The following SSH1 variants were observed in gnomAD, a reference collection of about 807,000 sequenced individuals.
The protein encoded by SSH1 is slingshot protein phosphatase 1.
A neutral mutation model predicts 79.7 loss-of-function variants in SSH1; 43 were observed. The observed-to-expected ratio is 0.54, with a 90% confidence interval of 0.42 to 0.70. SSH1 has a LOEUF of 0.70. SSH1 is among the 30% of genes least tolerant of loss of function. The pLI is 0.00. For synonymous variants in SSH1, 599 were observed against 538.3 expected, an observed-to-expected ratio of 1.11 and a Z score of -1.56; for missense variants, 1,206 against 1,358.8, an observed-to-expected ratio of 0.89 and a Z score of 1.77.
At chr12:108,833,643 T>C (rs955988852) in intron 2 of SSH1, 2 of 152,314 alleles carry the variant, frequency 1.3e-5, no homozygotes, top group South Asian at 4.1e-4. Context: ...CACCCGGCTC[T>C]GTGCTGCATT....
chr12:108,830,883 G>T (rs1328476711), intron 2 of SSH1, among the ~76,000 whole-genome samples: 2 of 152,034 alleles, frequency 1.3e-5, no homozygotes, highest in African/African-American at 4.8e-5. Context: ...GAGCTCAAGC[G>T]ATTGTTCCGC....
At chr12:108,813,082 T>C (rs1306511285) in intron 5 of SSH1, among the ~76,000 whole-genome samples, 1 of 152,062 alleles carries the variant, frequency 6.6e-6, no homozygotes, top group Non-Finnish European at 1.5e-5. Flanking sequence ...CCCAGGCTGG[T>C]CTTAAACTCC....
chr12:108,792,063 G>A, intron 14 of SSH1: 1 of 1,444,874 alleles, frequency 6.9e-7, no homozygotes, highest in African/African-American at 1.4e-5. Context: ...TTCTCAATTT[G>A]CTATATAAGG....
intron 7 of SSH1, among the ~76,000 whole-genome samples, chr12:108,808,234 G>A (rs974747925): frequency 2.6e-4 from 40 of 152,184 alleles, no homozygotes; most frequent in African/African-American, 6.0e-4. Context: ...CACCATGCCC[G>A]GCTGAGAAGT....
Position 108,809,727 on chromosome 12 carries a change from G to A in SSH1, c.502C>T (p.His168Tyr), listed in dbSNP as rs1223198563. 1 of 1,613,874 alleles carries A rather than the reference G, an allele frequency of 6.2e-7. No individual in the cohort carries two copies. The highest frequency in any genetic ancestry group is 1.3e-5 in the African/African-American group (1 of 74,894). ...GFSVSTAGRM[H>Y]IFKPVSVQAM... ...TGGACAGACACAGGCTTAAATATGT[G>A]CATCCTTCCTGCTGTGCTCACGCTG... The change falls in exon 7 of 15, where the codon CAC becomes TAC. Residue 168 changes from histidine (H) to tyrosine (Y), a missense_variant. Physicochemically the swap from His to Tyr is moderately conservative, Grantham distance 83. This residue lies in a region of SSH1 where 115 missense variants were observed against 173.9 expected (regional missense o/e 0.66). Coordinates refer to ENST00000326495, the MANE Select transcript of SSH1 (RefSeq NM_018984.4).
In SSH1 at chr12:108,782,070, T is replaced by C. The variant is rs1447011963; in HGVS notation, c.*5918A>G. The C allele has an allele frequency of 6.8e-6, 1 of 146,862 alleles. No individual in the cohort carries two copies. The highest frequency in any genetic ancestry group is 1.5e-5 in the Non-Finnish European group (1 of 67,410). The allele number at this position is 146,862 out of a possible 1,614,324, so 9.1% of individuals were successfully genotyped here. A position where few individuals can be genotyped will look rare whatever the true frequency, so the allele number is the denominator to read the frequency against. ...ATCACTTTAGCCTAGGAAGTCGAGG[T>C]TGCAGTGAGCTATGATGGCACCACT... On this transcript the variant is annotated 3_prime_UTR_variant, in exon 15 of 15. Coordinates refer to ENST00000326495, the MANE Select transcript of SSH1 (RefSeq NM_018984.4).
In SSH1 at chr12:108,817,020, C is replaced by G. The variant is rs752560208; in HGVS notation, c.401+18G>C. 6.2e-7 allele frequency: 1 copy of G among 1,613,524 alleles called. No individual in the cohort carries two copies. Among genetic ancestry groups the G allele is most frequent in the Non-Finnish European group, 8.5e-7 (1 of 1,179,674 alleles). ...TTGCCTCCCTCACAGAAGGGAACAC[C>G]TAGCCCATCAGACTCACCTTTCCTT... is the stretch of plus-strand genomic sequence containing the variant. On this transcript the variant is annotated intron_variant, in intron 5 of 14. Transcript: ENST00000326495.
At position 108,788,746 on chromosome 12, in the gene SSH1, C is replaced by CA; in HGVS notation, c.2391dup (p.Glu798Ter). The CA allele has an allele frequency of 6.2e-7, 1 of 1,614,258 alleles. No homozygotes were observed. The highest frequency in any genetic ancestry group is 8.5e-7 in the Non-Finnish European group (1 of 1,180,044). On this transcript the variant is annotated frameshift_variant, in exon 15 of 15. Coordinates refer to ENST00000326495, the MANE Select transcript of SSH1 (RefSeq NM_018984.4). LOFTEE classifies it low-confidence loss of function (END_TRUNC). ...AGGTAGCTGTTGGTTGTCGGCTTCT[C>CA]AGATTCATTACTGAACAGAAGCCTC...
At position 108,792,301 on chromosome 12, in the gene SSH1, A is replaced by T; in HGVS notation, c.1878T>A (p.Cys626Ter). ...CTCTGCCTACCTCCATGCCGTTGGG[A>T]CAGCTCCTCTTGCTGTTGTTGTTTA... is the stretch of plus-strand genomic sequence containing the variant. Reference protein sequence around the residue: ...ENLNNNSKRSCPNGMEDDAIF... With the variant: ...ENLNNNSKRS Residue 626 changes from cysteine (C) to a stop codon, truncating the protein, a stop_gained, in exon 14 of 15, where the codon TGT (cysteine) becomes TGA (stop). Transcript: ENST00000326495. LOFTEE classifies it low-confidence loss of function (END_TRUNC). The T allele has an allele frequency of 6.2e-7, 1 of 1,614,036 alleles. No homozygotes were observed. The highest frequency in any genetic ancestry group is 8.5e-7 in the Non-Finnish European group (1 of 1,179,992).
At chr12:108,814,303 T>C (rs1442205022) in intron 5 of SSH1, among the ~76,000 whole-genome samples, 1 of 151,678 alleles carries the variant, frequency 6.6e-6, no homozygotes, top group Non-Finnish European at 1.5e-5. Flanking sequence ...TGGAGAAGCG[T>C]TGGACTCTTA....
intron 7 of SSH1, among the ~76,000 whole-genome samples, chr12:108,808,410 G>A (rs2037397169): frequency 6.6e-6 from 1 of 152,192 alleles, no homozygotes; most frequent in South Asian, 2.1e-4. Flanking sequence ...TATTTCCAAA[G>A]AGCAGCAGAA....
intron 2 of SSH1, among the ~76,000 whole-genome samples, chr12:108,827,769 T>C (rs2038364120): frequency 6.6e-6 from 1 of 152,208 alleles, no homozygotes; most frequent in Admixed American, 6.5e-5. Flanking sequence ...AGGATGACTC[T>C]TTCTTTCAAA....
Position 108,788,778 on chromosome 12 carries a change from T to C in SSH1, c.2360A>G (p.Lys787Arg), listed in dbSNP as rs369867367. 9.9e-6 allele frequency: 16 copies of C among 1,614,164 alleles called. No homozygotes were observed. In the Middle Eastern group the frequency reaches 1.3e-3, roughly 133 times the overall value. ...ATTACTGAACAGAAGCCTCAGGTCCTTGGCTGGCTTCATATCTTTCTTGGG... is the reference window on the plus strand; with the variant it reads ...ATTACTGAACAGAAGCCTCAGGTCCCTGGCTGGCTTCATATCTTTCTTGGG... ...SSPKKDMKPA[K>R]DLRLLFSNES... The change falls in exon 15 of 15, where the codon AAG becomes AGG. Residue 787 changes from lysine to arginine, a missense_variant. By Grantham distance (26) the Lys-to-Arg change is conservative. This residue lies in a region of SSH1 where 709 missense variants were observed against 730.6 expected (regional missense o/e 0.97). Transcript: ENST00000326495.
In SSH1 at chr12:108,788,632, G is replaced by A. The variant is rs779269690; in HGVS notation, c.2506C>T (p.Pro836Ser). The change falls in exon 15 of 15, where the codon CCT (proline) becomes TCT (serine). Residue 836 changes from proline (P) to serine (S), a missense_variant. By Grantham distance (74) the Pro-to-Ser change is moderately conservative. This residue lies in a region of SSH1 where 709 missense variants were observed against 730.6 expected (regional missense o/e 0.97). Transcript: ENST00000326495. ...CTGGAGGGAGGTGCTGGGTCTGCAG[G>A]CACGCTCTTCAGCCGCTCTAGCTCT... ...TKELERLKSV[P>S]ADPAPPSRDG... is the part of the protein sequence containing the mutation. 1 of 1,612,790 alleles carries A rather than the reference G, an allele frequency of 6.2e-7. No homozygotes were observed. The highest frequency in any genetic ancestry group is 8.5e-7 in the Non-Finnish European group (1 of 1,179,026).
At chr12:108,834,514 G>T (rs975460315) in intron 2 of SSH1, 5 of 152,234 alleles carry the variant, frequency 3.3e-5, no homozygotes, top group Non-Finnish European at 7.3e-5. Flanking sequence ...ACCAACTACA[G>T]ACAGAAAATA....
At position 108,807,692 on chromosome 12, in the gene SSH1, C is replaced by G; in HGVS notation, c.672G>C (p.Trp224Cys). Reference sequence around the variant, plus strand: ...TAGACTCCAGGTCCTGCATGGCGTTCCACTCGTTGATGCAGCTCTGCTCGG... The same window carrying G: ...TAGACTCCAGGTCCTGCATGGCGTTGCACTCGTTGATGCAGCTCTGCTCGG... ...ISSEQSCINE[W>C]NAMQDLESTR... Residue 224 changes from tryptophan to cysteine, a missense_variant, in exon 8 of 15, where the codon TGG (tryptophan) becomes TGC (cysteine). Coordinates refer to ENST00000326495, the MANE Select transcript of SSH1 (RefSeq NM_018984.4). The surrounding 1 kb of genome is among the most constrained non-coding windows in gnomAD (Gnocchi z 5.2). 1 of 1,613,316 alleles carries G rather than the reference C, an allele frequency of 6.2e-7. No homozygotes were observed. Among genetic ancestry groups the G allele is most frequent in the Non-Finnish European group, 8.5e-7 (1 of 1,179,556 alleles).
At position 108,824,441 on chromosome 12, in the gene SSH1, C is replaced by T. The variant is rs1217762396; in HGVS notation, c.111-1080G>A. 3.5e-5 allele frequency among the ~76,000 whole-genome samples: 5 copies of T among 143,882 alleles called. No homozygotes were observed. In the East Asian group the frequency reaches 1.0e-3, roughly 29 times the overall value. 94.4% of individuals were successfully genotyped at this position (143,882 alleles called of 152,430 possible). A position where few individuals can be genotyped will look rare whatever the true frequency, so the allele number is the denominator to read the frequency against. ...CTGCACTCCAGCCTGGGCGACAGAG[C>T]AAGACTGTGTCTCAAAAAAAAAAAA... On this transcript the variant is annotated intron_variant, in intron 2 of 14. Coordinates refer to ENST00000326495, the MANE Select transcript of SSH1 (RefSeq NM_018984.4).
Position 108,807,716 on chromosome 12 carries a change from G to T in SSH1, c.648C>A (p.Ser216=), listed in dbSNP as rs142020150. The change falls in exon 8 of 15, where the codon TCC becomes TCA. Residue 216 remains serine, a synonymous_variant. Coordinates refer to ENST00000326495, the MANE Select transcript of SSH1 (RefSeq NM_018984.4). This position sits in a 1 kb window ranked among gnomAD's most constrained non-coding sequence, Gnocchi z 5.2. ...WATYYESCIS[S]EQSCINEWNA... is the part of the protein sequence containing the mutation. Reference sequence around the variant, plus strand: ...TCCACTCGTTGATGCAGCTCTGCTCGGAGCTGATGCAGCTCTCATAGTAGG... The same window carrying T: ...TCCACTCGTTGATGCAGCTCTGCTCTGAGCTGATGCAGCTCTCATAGTAGG... The T allele has an allele frequency of 2.5e-6, 4 of 1,613,276 alleles. No homozygotes were observed. The highest frequency in any genetic ancestry group is 3.4e-6 in the Non-Finnish European group (4 of 1,179,488).
intron 5 of SSH1, among the ~76,000 whole-genome samples, chr12:108,814,802 C>T (rs1302567187): frequency 6.6e-6 from 1 of 152,174 alleles, no homozygotes; most frequent in African/African-American, 2.4e-5. Context: ...CCTGGGAGAA[C>T]TGAAGTCGGG....
Sources: allele counts gnomAD v4.1 joint callset (sites outside exome capture counted in the v4.1 genomes callset), GRCh38; gene constraint gnomAD v4.1.1; regional missense constraint gnomAD v4.1.1; non-coding constraint Gnocchi (gnomAD v3.1); transcripts MANE v1.5; gene names NCBI Gene and HGNC (gene_info 2026-07-23, HGNC 2026-07-21).